Variants in HOXC4 observed in about 807,000 individuals in gnomAD.
The protein encoded by HOXC4 is homeobox protein Hox-C4.
Under a neutral mutation model 25.5 loss-of-function variants are expected in HOXC4, and 15 were observed. The observed-to-expected ratio is 0.59, with a 90% CI of 0.39 to 0.91. The LOEUF is 0.91. HOXC4 is among the 40% of genes least tolerant of loss of function. The pLI, the probability that HOXC4 is intolerant of heterozygous loss-of-function variation, is 0.00. For missense variants in HOXC4, 342 were observed against 352.4 expected, an observed-to-expected ratio of 0.97 and a Z score of 0.24; for synonymous variants, 165 against 148.0, an observed-to-expected ratio of 1.11 and a Z score of -0.83.
intron 1 of HOXC4, among the ~76,000 whole-genome samples, chr12:54,031,924 T>C (rs988629246): frequency 2.0e-5 from 3 of 152,198 alleles, no homozygotes; most frequent in Admixed American, 6.5e-5. Flanking sequence ...GTGAACCTTA[T>C]GGATTCAGGT....
upstream of HOXC4, among the ~76,000 whole-genome samples, chr12:54,049,984 A>G (rs921137758): frequency 2.0e-5 from 3 of 152,182 alleles, no homozygotes; most frequent in Non-Finnish European, 2.9e-5. Flanking sequence ...ACATTCACAC[A>G]CATAAACCCT....
chr12:54,033,394 C>A (rs749931090), intron 1 of HOXC4: 1 of 1,612,338 alleles, frequency 6.2e-7, no homozygotes, highest in South Asian at 1.1e-5. Flanking sequence ...AGAGACGAAG[C>A]GGCTCCTCTG....
chr12:54,054,019 A>G lies in HOXC4; in HGVS notation c.97A>G (p.Ser33Gly). 6.2e-7 allele frequency: 1 copy of G among 1,614,102 alleles called. No individual in the cohort carries two copies. Among genetic ancestry groups the G allele is most frequent in the Non-Finnish European group, 8.5e-7 (1 of 1,179,976 alleles). The change falls in exon 1 of 2, where the codon AGT becomes GGT. Residue 33 changes from serine to glycine, a missense_variant. Transcript: ENST00000430889. ...YSQNSYIPEH[S>G]PEYYGRTRES... ...GCAAAATAGCTACATCCCTGAACAC[A>G]GTCCGGAATATTACGGCCGGACCAG...
chr12:54,042,114 GA>G (rs1160781537), intron 1 of HOXC4, among the ~76,000 whole-genome samples: 1 of 151,968 alleles, frequency 6.6e-6, no homozygotes, highest in East Asian at 1.9e-4. Flanking sequence ...GAGTAGCTGG[GA>G]TTAGAGGCAT....
At chr12:54,028,808 C>CA in intron 1 of HOXC4, 1 of 1,614,182 alleles carries the variant, frequency 6.2e-7, no homozygotes, top group Non-Finnish European at 8.5e-7. Flanking sequence ...GGACATAACA[C>CA]ACAGACCTCA....
chr12:54,028,571 G>C (rs200139629), intron 1 of HOXC4: 269 of 1,613,940 alleles, frequency 1.7e-4, no homozygotes, highest in Non-Finnish European at 2.2e-4. Flanking sequence ...CTCGCCGGGG[G>C]CCAGGACGTC....
chr12:54,022,382 C>T (rs1162853023), intron 1 of HOXC4: 1 of 152,172 alleles, frequency 6.6e-6, no homozygotes, highest in African/African-American at 2.4e-5. Context: ...CTATATGTCT[C>T]CAATCCTGCC....
intron 1 of HOXC4, chr12:54,034,194 G>T: frequency 1.5e-6 from 2 of 1,307,162 alleles, no homozygotes; most frequent in Admixed American, 1.7e-5. Context: ...CCGGCCGCGG[G>T]TGGGGGCCTG....
chr12:54,055,420 C>T lies in HOXC4; in HGVS notation c.*215C>T, dbSNP rs1454135803. On this transcript the variant is annotated 3_prime_UTR_variant, in exon 2 of 2. Transcript: ENST00000430889. ...CCTCTCCCTCCCACTGTTAAGGACC[C>T]TTTTAAGCATGTGATGTTGTCTTAG... is the stretch of plus-strand genomic sequence containing the variant. 5.2e-6 allele frequency: 1 copy of T among 190,814 alleles called. No homozygotes were observed. The highest frequency in any genetic ancestry group is 6.0e-5 in the Admixed American group (1 of 16,678). The allele number at this position is 190,814 out of a possible 1,614,324, so 11.8% of individuals were successfully genotyped here.
intron 1 of HOXC4, chr12:54,033,147 T>G: frequency 6.2e-7 from 1 of 1,612,622 alleles, no homozygotes; most frequent in Non-Finnish European, 8.5e-7. Context: ...AGCCAATTCA[T>G]TCTATAAGCA....
chr12:54,028,414 G>A, intron 1 of HOXC4: 1 of 1,248,386 alleles, frequency 8.0e-7, no homozygotes, highest in Non-Finnish European at 1.1e-6. Flanking sequence ...TTGTCATTTT[G>A]TCTGTCCTGG....
At chr12:54,025,752 T>G (rs1326149269) in intron 1 of HOXC4, among the ~76,000 whole-genome samples, 1 of 152,200 alleles carries the variant, frequency 6.6e-6, no homozygotes, top group African/African-American at 2.4e-5. Context: ...GCTCACATTC[T>G]GCCTCTCAGG....
At chr12:54,045,393 A>G (rs551780185) in intron 1 of HOXC4, among the ~76,000 whole-genome samples, 1 of 152,352 alleles carries the variant, frequency 6.6e-6, no homozygotes, top group East Asian at 1.9e-4. Flanking sequence ...GCTAGGATGT[A>G]TTGGTACAGC....
At chr12:54,041,464 CT>C (rs1941271042) in intron 1 of HOXC4, among the ~76,000 whole-genome samples, 1 of 152,208 alleles carries the variant, frequency 6.6e-6, no homozygotes, top group African/African-American at 2.4e-5. Context: ...AAGCACCCCC[CT>C]GGGGGCATTA....
intron 1 of HOXC4, chr12:54,034,007 C>G (rs773034544): frequency 1.6e-6 from 1 of 644,482 alleles, no homozygotes; most frequent in African/African-American, 1.8e-5. Flanking sequence ...GCTTATTGTT[C>G]GGTCCGAGCC....
rs77360297 is a variant in HOXC4 at position 54,045,067 on chromosome 12, C to A, written c.-123-8093C>A. On this transcript the variant is annotated intron_variant, in intron 1 of 3. Coordinates refer to the HOXC4 transcript ENST00000303406. ...GAGTTCCGGGCCCTCTTAGCACTTGCGAAGTCTCTAGTCCACCCTCATTTC... is the reference window on the plus strand; with the variant it reads ...GAGTTCCGGGCCCTCTTAGCACTTGAGAAGTCTCTAGTCCACCCTCATTTC... Among the ~76,000 whole-genome samples, 806 of 152,300 alleles carry A rather than the reference C, an allele frequency of 5.3e-3. 5 individuals carry two copies. The highest frequency in any genetic ancestry group is 0.019 in the African/African-American group (771 of 41,544).
chr12:54,027,585 C>T (rs1036055586), intron 1 of HOXC4, among the ~76,000 whole-genome samples: 1 of 152,218 alleles, frequency 6.6e-6, no homozygotes, highest in Non-Finnish European at 1.5e-5. Context: ...CTCTGTCTTT[C>T]CCCCTCCGGT....
chr12:54,028,643 G>A (rs1042229259), intron 1 of HOXC4: 2 of 1,613,928 alleles, frequency 1.2e-6, no homozygotes, highest in African/African-American at 2.7e-5. Flanking sequence ...TCGACCTATG[G>A]AGCGGCCGTT....
At chr12:54,029,785 G>T (rs199717526) in intron 1 of HOXC4, 18 of 1,613,970 alleles carry the variant, frequency 1.1e-5, no homozygotes, top group Non-Finnish European at 1.4e-5. Flanking sequence ...TCGCCAACGC[G>T]CTTTGCCTGA....
Sources: gnomAD v4.1 joint callset for allele counts (sites outside exome capture counted in the v4.1 genomes callset) on GRCh38, gnomAD v4.1.1 for gene constraint, MANE v1.5 for transcripts, NCBI Gene and HGNC (gene_info 2026-07-23, HGNC 2026-07-21) for gene names.